Variants in TRPC7 observed in about 807,000 individuals in gnomAD.
TRPC7 encodes the protein transient receptor potential cation channel subfamily C member 7.
Under a neutral mutation model 90.1 loss-of-function variants are expected in TRPC7, and 42 were observed. The observed-to-expected ratio is 0.47, with a 90% confidence interval of 0.36 to 0.60. The LOEUF (loss-of-function observed/expected upper bound fraction) is 0.60. Among genes scored for constraint, TRPC7 ranks in the 20% least tolerant of loss-of-function variants. The pLI is 0.00. For missense variants in TRPC7, 955 were observed against 1,112.3 expected (o/e 0.86, Z 2.01); for synonymous variants, 451 against 436.3 (o/e 1.03, Z -0.42).
chr5:136,302,683 C>G (rs1354912408), intron 3 of TRPC7, among the ~76,000 whole-genome samples: 2 of 152,208 alleles, frequency 1.3e-5, no homozygotes, highest in Non-Finnish European at 2.9e-5. Flanking sequence ...TGCTGCTTGA[C>G]ACCAAAACAA....
intron 10 of TRPC7, among the ~76,000 whole-genome samples, chr5:136,224,373 A>C (rs946953828): frequency 1.3e-5 from 2 of 152,200 alleles, no homozygotes; most frequent in African/African-American, 2.4e-5. Flanking sequence ...GAAGCATAAA[A>C]GTTCTTTTTC....
At chr5:136,288,024 T>C (rs1757790195) in intron 3 of TRPC7, among the ~76,000 whole-genome samples, 1 of 152,234 alleles carries the variant, frequency 6.6e-6, no homozygotes, top group Non-Finnish European at 1.5e-5. Context: ...TTGGATATGA[T>C]GTGCCAGACA....
intron 3 of TRPC7, among the ~76,000 whole-genome samples, chr5:136,306,559 G>A (rs1758638299): frequency 6.6e-6 from 1 of 152,110 alleles, no homozygotes; most frequent in Non-Finnish European, 1.5e-5. Context: ...TAAGAAAGCA[G>A]GAATGTCAGG....
At chr5:136,301,346 T>TTC in intron 3 of TRPC7, among the ~76,000 whole-genome samples, 1 of 122,560 alleles carries the variant, frequency 8.2e-6, no homozygotes, top group East Asian at 2.2e-4. Context: ...TTTTTTTTTT[T>TTC]TTTTTTTTTT....
At chr5:136,355,303 C>T (rs1020638474) in intron 2 of TRPC7, among the ~76,000 whole-genome samples, 2 of 152,132 alleles carry the variant, frequency 1.3e-5, no homozygotes, top group African/African-American at 4.8e-5. Flanking sequence ...CTGAAGTGGC[C>T]AAGAGTTGAC....
Position 136,356,987 on chromosome 5 carries a change from C to G in TRPC7, c.401G>C (p.Gly134Ala). The G allele has an allele frequency of 6.2e-7, 1 of 1,612,404 alleles. No homozygotes were observed. Among genetic ancestry groups the G allele is most frequent in the Non-Finnish European group, 8.5e-7 (1 of 1,179,780 alleles). Residue 134 changes from glycine (G) to alanine (A), a missense_variant, in exon 2 of 12, where the codon GGC (glycine) becomes GCC (alanine). This residue lies in a region of TRPC7 where 484 missense variants were observed against 509.6 expected (regional missense o/e 0.95). Transcript: ENST00000513104. ...AILNHPAFAQ[G>A]QRLTLSPLEQ... ...CAGCGGGCTGAGCGTCAGGCGCTGG[C>G]CCTGCGCGAAGGCCGGGTGGTTGAG...
rs1197399765 is a variant in TRPC7 at position 136,212,800 on chromosome 5, ATAATCT to A, written c.*629_*634del. Reference sequence around the variant, plus strand: ...TTTAGGTAAAAATAGTAAATACAAGATAATCTTAATAAAGGTAAAAATACATCATTT... The same window carrying A: ...TTTAGGTAAAAATAGTAAATACAAGATAATAAAGGTAAAAATACATCATTT... On this transcript the variant is annotated 3_prime_UTR_variant, in exon 12 of 12. Coordinates refer to ENST00000513104, the MANE Select transcript of TRPC7 (RefSeq NM_020389.3). Among the ~76,000 whole-genome samples the A allele has an allele frequency of 6.6e-6, 1 of 152,238 alleles. No individual in the cohort carries two copies. Among genetic ancestry groups the A allele is most frequent in the Non-Finnish European group, 1.5e-5 (1 of 68,042 alleles).
intron 2 of TRPC7, among the ~76,000 whole-genome samples, chr5:136,319,659 C>G (rs1459981953): frequency 3.9e-5 from 6 of 152,120 alleles, no homozygotes; most frequent in Non-Finnish European, 7.4e-5. Flanking sequence ...TTGTCAAGGT[C>G]ATAAATCACG....
chr5:136,216,900 G>A (rs372005744), intron 10 of TRPC7, among the ~76,000 whole-genome samples: 1 of 152,206 alleles, frequency 6.6e-6, no homozygotes, highest in African/African-American at 2.4e-5. Context: ...CTGTACTGCC[G>A]GAGTCACACT....
chr5:136,344,318 G>A (rs1759936707), intron 2 of TRPC7, among the ~76,000 whole-genome samples: 1 of 152,104 alleles, frequency 6.6e-6, no homozygotes, highest in African/African-American at 2.4e-5. Context: ...TACCTATCGG[G>A]TAGTTTTTAC....
chr5:136,300,053 G>T (rs1278363268), intron 3 of TRPC7, among the ~76,000 whole-genome samples: 3 of 152,152 alleles, frequency 2.0e-5, no homozygotes, highest in Admixed American at 6.5e-5. Context: ...GAAGAAAAAT[G>T]CTTTAAAGGA....
intron 2 of TRPC7, among the ~76,000 whole-genome samples, chr5:136,353,950 T>A (rs189945364): frequency 1.2e-4 from 19 of 152,294 alleles, no homozygotes; most frequent in Non-Finnish European, 2.4e-4. Context: ...ATTTGAGTTT[T>A]ACTAAAAAAA....
At chr5:136,355,346 G>A (rs1035042396) in intron 2 of TRPC7, among the ~76,000 whole-genome samples, 19 of 152,148 alleles carry the variant, frequency 1.2e-4, no homozygotes, top group African/African-American at 4.1e-4. Context: ...TAGAAAAATG[G>A]TTTCGCTATT....
intron 5 of TRPC7, among the ~76,000 whole-genome samples, chr5:136,260,630 G>T (rs1756826854): frequency 2.0e-5 from 3 of 152,188 alleles, no homozygotes; most frequent in African/African-American, 7.2e-5. Flanking sequence ...AGCATCATAG[G>T]CCACTATAAT....
intron 3 of TRPC7, among the ~76,000 whole-genome samples, chr5:136,291,105 A>G (rs1271954702): frequency 1.3e-5 from 2 of 152,244 alleles, no homozygotes; most frequent in African/African-American, 4.8e-5. Context: ...AGATTTAGTC[A>G]CCACCAGGCC....
chr5:136,243,653 T>C (rs1233708542), intron 7 of TRPC7, among the ~76,000 whole-genome samples: 2 of 151,908 alleles, frequency 1.3e-5, no homozygotes, highest in African/African-American at 2.4e-5. Flanking sequence ...ACGAGTCTCA[T>C]TTATTCTCAC....
At chr5:136,281,256 C>T (rs1337613489) in intron 3 of TRPC7, among the ~76,000 whole-genome samples, 1 of 152,314 alleles carries the variant, frequency 6.6e-6, no homozygotes. Context: ...TAACTTCATC[C>T]TGTTAAGGAT....
At chr5:136,285,272 AT>A (rs1460131284) in intron 3 of TRPC7, among the ~76,000 whole-genome samples, 3 of 152,004 alleles carry the variant, frequency 2.0e-5, no homozygotes, top group African/African-American at 2.4e-5. Context: ...CATAGTGTGG[AT>A]TTTTTTTGTA....
chr5:136,213,791 G>T (rs950055797), intron 11 of TRPC7, among the ~76,000 whole-genome samples, 187 bp from the exon 12 acceptor site: 22 of 152,296 alleles, frequency 1.4e-4, no homozygotes, highest in African/African-American at 4.8e-4. Flanking sequence ...ACCACTGAAG[G>T]ACACATCGAT....
Sources: allele counts gnomAD v4.1 joint callset (sites outside exome capture counted in the v4.1 genomes callset), GRCh38; gene constraint gnomAD v4.1.1; regional missense constraint gnomAD v4.1.1; transcripts MANE v1.5; gene names NCBI Gene and HGNC (gene_info 2026-07-23, HGNC 2026-07-21).